Variants in NRXN1 observed in about 807,000 individuals in gnomAD.
NRXN1 encodes the protein neurexin-1.
Under a neutral mutation model 150.9 loss-of-function variants are expected in NRXN1, and 39 were observed. The observed-to-expected ratio is 0.26, with a 90% CI of 0.20 to 0.34. NRXN1 has a LOEUF of 0.34. Ranked by LOEUF, NRXN1 falls within the 10% of genes least tolerant of loss-of-function variation. The pLI is 1.00. For synonymous variants in NRXN1, 924 were observed against 757.0 expected (o/e 1.22, Z -3.62); for missense variants, 1,815 against 1,949.9 (o/e 0.93, Z 1.30).
intron 19 of NRXN1, among the ~76,000 whole-genome samples, chr2:50,072,775 C>G (rs1310569120): frequency 6.6e-6 from 1 of 152,122 alleles, no homozygotes; most frequent in African/African-American, 2.4e-5. Context: ...TGCCCTGCAG[C>G]AGGGCTGACC....
At chr2:50,842,018 A>T (rs17041069) in intron 5 of NRXN1, among the ~76,000 whole-genome samples, 29,281 of 152,174 alleles carry the variant, frequency 0.19, 2,925 homozygotes, top group Middle Eastern at 0.24. Flanking sequence ...ACATAATATC[A>T]AATAACTAGC....
chr2:50,855,145 G>A (rs545859843), intron 5 of NRXN1, among the ~76,000 whole-genome samples: 17 of 151,894 alleles, frequency 1.1e-4, no homozygotes, highest in Admixed American at 8.5e-4. Context: ...GTGGGAGGTG[G>A]TTCAAGATAT....
At chr2:50,263,113 A>G (rs1453639770) in intron 17 of NRXN1, among the ~76,000 whole-genome samples, 7 of 151,680 alleles carry the variant, frequency 4.6e-5, no homozygotes, top group Non-Finnish European at 8.8e-5. Context: ...ATTGGAGACT[A>G]CATGGCAAGG....
intron 21 of NRXN1, among the ~76,000 whole-genome samples, chr2:50,009,295 T>A (rs970297519): frequency 6.6e-6 from 1 of 152,098 alleles, no homozygotes; most frequent in African/African-American, 2.4e-5. Flanking sequence ...CTAAATGCAC[T>A]AAGCATAGAA....
intron 17 of NRXN1, among the ~76,000 whole-genome samples, chr2:50,277,929 G>C (rs1469584159): frequency 1.3e-5 from 2 of 151,822 alleles, no homozygotes; most frequent in Non-Finnish European, 2.9e-5. Flanking sequence ...CATATGTTCT[G>C]AGTGGCAATT....
At chr2:50,176,599 C>T (rs1043668250) in intron 18 of NRXN1, among the ~76,000 whole-genome samples, 2 of 152,074 alleles carry the variant, frequency 1.3e-5, no homozygotes, top group African/African-American at 4.8e-5. Context: ...CTTCACCTAA[C>T]ACATAACTCT....
chr2:50,286,696 T>A (rs547764658), intron 17 of NRXN1, among the ~76,000 whole-genome samples: 1 of 152,226 alleles, frequency 6.6e-6, no homozygotes, highest in East Asian at 1.9e-4. Flanking sequence ...CATCCTATTA[T>A]TGATGTGAGT....
chr2:50,713,543 A>G (rs146523484), intron 5 of NRXN1, among the ~76,000 whole-genome samples: 140 of 152,286 alleles, frequency 9.2e-4, no homozygotes, highest in African/African-American at 3.2e-3. Context: ...ACCCTGAGTT[A>G]AAAGTCAGCA....
Position 49,965,140 on chromosome 2 carries a change from A to G in NRXN1, c.4129-21349T>C, listed in dbSNP as rs550411104. Among the ~76,000 whole-genome samples the G allele has an allele frequency of 6.6e-5, 10 of 152,110 alleles. No homozygotes were observed. The South Asian group carries it at 8.3e-4, about 13-fold the overall frequency. On this transcript the variant is annotated intron_variant, in intron 21 of 22. Coordinates refer to ENST00000401669, the MANE Select transcript of NRXN1 (RefSeq NM_001330078.2). ...AATGATCCACCTGCCTTGGCCTCCC[A>G]AAGTGCTGGGATTACAGGCATGAGC...
At chr2:50,430,440 C>T (rs1188060695) in intron 17 of NRXN1, among the ~76,000 whole-genome samples, 4 of 152,152 alleles carry the variant, frequency 2.6e-5, no homozygotes, top group African/African-American at 7.2e-5. Context: ...AATAGTCATT[C>T]GCCACATGTG....
chr2:50,046,280 C>T (rs1410126550), intron 21 of NRXN1, among the ~76,000 whole-genome samples: 1 of 152,194 alleles, frequency 6.6e-6, no homozygotes, highest in Non-Finnish European at 1.5e-5. Flanking sequence ...TTATTACCTG[C>T]CCTCCACTGC....
At chr2:50,835,716 A>C (rs1167899017) in intron 5 of NRXN1, among the ~76,000 whole-genome samples, 1 of 152,224 alleles carries the variant, frequency 6.6e-6, no homozygotes, top group Non-Finnish European at 1.5e-5. Flanking sequence ...AAAAGAATCA[A>C]CATAATCACA....
chr2:50,094,155 T>G (rs9677302), intron 18 of NRXN1, among the ~76,000 whole-genome samples: 84,553 of 152,092 alleles, frequency 0.56, 24,312 homozygotes, highest in African/African-American at 0.69. Flanking sequence ...TCTTTTTGTT[T>G]CAGTTTCAGC....
intron 21 of NRXN1, among the ~76,000 whole-genome samples, chr2:50,042,031 T>G (rs1691052000): frequency 6.6e-6 from 1 of 152,242 alleles, no homozygotes; most frequent in Admixed American, 6.5e-5. Flanking sequence ...TTTTGCTTCC[T>G]GCATATCGCA....
intron 18 of NRXN1, among the ~76,000 whole-genome samples, chr2:50,124,504 C>G (rs907931730): frequency 3.3e-5 from 5 of 152,056 alleles, no homozygotes; most frequent in African/African-American, 1.2e-4. Context: ...AATAATAGAA[C>G]CATAAAATGT....
chr2:50,883,122 T>C (rs1191931782), intron 5 of NRXN1, among the ~76,000 whole-genome samples: 1 of 151,900 alleles, frequency 6.6e-6, no homozygotes, highest in Non-Finnish European at 1.5e-5. Context: ...ATAAACTAAC[T>C]GCTCTCTCTG....
At chr2:50,513,752 G>C (rs187562806) in intron 12 of NRXN1, among the ~76,000 whole-genome samples, 27 of 152,022 alleles carry the variant, frequency 1.8e-4, no homozygotes, top group Admixed American at 5.2e-4. Flanking sequence ...ACCTCTAAGA[G>C]ACAAAACTGG....
chr2:51,018,476 C>G (rs994796605), intron 2 of NRXN1, among the ~76,000 whole-genome samples: 4 of 152,094 alleles, frequency 2.6e-5, no homozygotes. Flanking sequence ...CTCATATATA[C>G]CTGAAATAGT....
chr2:50,197,694 T>C (rs914490162), intron 18 of NRXN1, among the ~76,000 whole-genome samples: 9 of 152,142 alleles, frequency 5.9e-5, no homozygotes, highest in Non-Finnish European at 1.3e-4. Flanking sequence ...CTTTTGCATA[T>C]GTTCTCCCAT....
Sources: gnomAD v4.1 joint callset for allele counts (sites outside exome capture counted in the v4.1 genomes callset) on GRCh38, gnomAD v4.1.1 for gene constraint, MANE v1.5 for transcripts, NCBI Gene and HGNC (gene_info 2026-07-23, HGNC 2026-07-21) for gene names.